The following MEGF11 variants were observed in gnomAD, a reference collection of about 807,000 sequenced individuals.
MEGF11 encodes multiple EGF like domains 11, also known as multiple epidermal growth factor-like domains protein 11.
In MEGF11, 126 loss-of-function variants were observed where a neutral mutation model predicts 146.6. The ratio of observed to expected loss-of-function variants is 0.86; its 90% CI spans 0.74 to 1.00. The LOEUF (loss-of-function observed/expected upper bound fraction) is 1.00. Among genes scored for constraint, MEGF11 ranks in the 50% least tolerant of loss-of-function variants. MEGF11 has a pLI of 0.00. For missense variants in MEGF11, 1,509 were observed against 1,521.2 expected (o/e 0.99, Z 0.13); for synonymous variants, 532 against 583.4 (o/e 0.91, Z 1.27).
chr15:66,045,148 G>A (rs1015439017), intron 5 of MEGF11, among the ~76,000 whole-genome samples: 1 of 152,188 alleles, frequency 6.6e-6, no homozygotes, highest in African/African-American at 2.4e-5. Context: ...GTGGGTCCAG[G>A]CAGCTTCCCA....
At chr15:65,971,074 T>G in intron 7 of MEGF11, 1 of 194,820 alleles carries the variant, frequency 5.1e-6, no homozygotes, top group Non-Finnish European at 1.1e-5. Flanking sequence ...GGAGGCTGAG[T>G]AAACATGCTG....
chr15:66,110,264 T>C (rs72744426), intron 4 of MEGF11, among the ~76,000 whole-genome samples: 8,982 of 152,300 alleles, frequency 0.059, 335 homozygotes, highest in South Asian at 0.15. Flanking sequence ...AGGACAACTC[T>C]TTGGTAGTTA....
chr15:66,003,345 C>G (rs544560013), intron 5 of MEGF11, among the ~76,000 whole-genome samples: 141 of 152,246 alleles, frequency 9.3e-4, no homozygotes, highest in African/African-American at 3.3e-3. Context: ...CTAGACATCC[C>G]CATGTGCTTG....
chr15:66,207,638 A>C (rs1375432849), intron 1 of MEGF11, among the ~76,000 whole-genome samples: 3 of 152,282 alleles, frequency 2.0e-5, no homozygotes, highest in African/African-American at 7.2e-5. Context: ...ATGTAACTAC[A>C]TAGGTAATTA....
chr15:66,143,569 C>T (rs1246014662), intron 1 of MEGF11, among the ~76,000 whole-genome samples: 1 of 152,222 alleles, frequency 6.6e-6, no homozygotes, highest in African/African-American at 2.4e-5. Context: ...TTACTTTCCT[C>T]CTACAAAGAT....
At chr15:65,976,982 A>G (rs2081470745) in intron 7 of MEGF11, among the ~76,000 whole-genome samples, 1 of 152,028 alleles carries the variant, frequency 6.6e-6, no homozygotes, top group Admixed American at 6.6e-5. Context: ...GTCCTGTCTA[A>G]CACGGTGAAA....
intron 2 of MEGF11, among the ~76,000 whole-genome samples, chr15:66,127,415 C>A (rs1461854691): frequency 6.6e-6 from 1 of 152,240 alleles, no homozygotes. Context: ...CCAGGTCCTG[C>A]CTGGCTGAGG....
intron 1 of MEGF11, among the ~76,000 whole-genome samples, chr15:66,200,151 C>T (rs2091117491): frequency 6.6e-6 from 1 of 152,242 alleles, no homozygotes; most frequent in Non-Finnish European, 1.5e-5. Flanking sequence ...TTTGCCTTTG[C>T]CTCCTTCAAT....
chr15:66,046,941 G>A (rs144280484), intron 5 of MEGF11, among the ~76,000 whole-genome samples: 1 of 152,110 alleles, frequency 6.6e-6, no homozygotes, highest in Non-Finnish European at 1.5e-5. Flanking sequence ...AGGTCCCCAG[G>A]TTCCCCCTGC....
At chr15:66,087,097 A>G (rs2086141085) in intron 5 of MEGF11, among the ~76,000 whole-genome samples, 1 of 152,236 alleles carries the variant, frequency 6.6e-6, no homozygotes, top group African/African-American at 2.4e-5. Flanking sequence ...TACAATGGTA[A>G]AAGGCCTTGT....
At chr15:66,093,579 A>G (rs371893810) in intron 5 of MEGF11, among the ~76,000 whole-genome samples, 3 of 152,234 alleles carry the variant, frequency 2.0e-5, no homozygotes, top group Non-Finnish European at 4.4e-5. Flanking sequence ...AACCTTAGTC[A>G]AGTCCTCTTT....
chr15:66,244,158 A>G (rs1477565127), intron 1 of MEGF11, among the ~76,000 whole-genome samples: 1 of 152,118 alleles, frequency 6.6e-6, no homozygotes, highest in Admixed American at 6.5e-5. Flanking sequence ...GGCCCTAACA[A>G]TGGTGGTCCT....
chr15:66,093,915 C>T (rs952130915), intron 5 of MEGF11, among the ~76,000 whole-genome samples: 1 of 152,190 alleles, frequency 6.6e-6, no homozygotes, highest in Non-Finnish European at 1.5e-5. Context: ...CCTGCCCCTG[C>T]GAGTGTCCTG....
rs555532469 is a variant in MEGF11 at position 66,237,329 on chromosome 15, C to A, written c.-9+16276G>T. Among the ~76,000 whole-genome samples, 29 of 152,060 alleles carry A rather than the reference C, an allele frequency of 1.9e-4. No homozygotes were observed. In the South Asian group the frequency reaches 5.8e-3, roughly 31 times the overall value. ...CCCTGTCTCCTTCCAACTCACTCCC[C>A]CCAACAAAAGACCACCTAGCTGCCA... On this transcript the variant is annotated intron_variant, in intron 1 of 25. Transcript: ENST00000395614.
chr15:66,142,256 C>G (rs967287018), intron 1 of MEGF11, among the ~76,000 whole-genome samples: 3 of 152,174 alleles, frequency 2.0e-5, no homozygotes, highest in African/African-American at 4.8e-5. Flanking sequence ...ATGGAGCCCC[C>G]GCGATGGGAA....
chr15:65,949,155 C>G (rs1412274140), intron 10 of MEGF11, among the ~76,000 whole-genome samples: 1 of 152,212 alleles, frequency 6.6e-6, no homozygotes, highest in Non-Finnish European at 1.5e-5. Context: ...GGTCACACTT[C>G]TCTCACTCCC....
At chr15:66,070,351 AC>A (rs1203467921) in intron 5 of MEGF11, among the ~76,000 whole-genome samples, 1 of 152,192 alleles carries the variant, frequency 6.6e-6, no homozygotes, top group Non-Finnish European at 1.5e-5. Context: ...CCTGGGCATT[AC>A]CTGCCCCACT....
intron 5 of MEGF11, among the ~76,000 whole-genome samples, chr15:65,992,380 C>G (rs1480571831): frequency 6.7e-6 from 1 of 150,198 alleles, no homozygotes; most frequent in East Asian, 2.0e-4. Context: ...ATTAGGACCC[C>G]GTTCCTCAAG....
chr15:65,998,841 C>G (rs751550393), intron 5 of MEGF11, among the ~76,000 whole-genome samples: 33 of 152,176 alleles, frequency 2.2e-4, no homozygotes, highest in Admixed American at 9.8e-4. Flanking sequence ...GCGTGGCCCA[C>G]AGCAGCAGGA....
Sources: gnomAD v4.1 joint callset for allele counts (sites outside exome capture counted in the v4.1 genomes callset) on GRCh38, gnomAD v4.1.1 for gene constraint, MANE v1.5 for transcripts, NCBI Gene and HGNC (gene_info 2026-07-23, HGNC 2026-07-21) for gene names.